TMTC2: variants seen among roughly 807,000 people sequenced by gnomAD.
TMTC2 encodes protein O-mannosyl-transferase TMTC2.
TMTC2 carries 43 observed loss-of-function variants against 82.4 expected under a neutral mutation model. The ratio of observed to expected loss-of-function variants is 0.52; its 90% CI spans 0.41 to 0.67. The LOEUF (loss-of-function observed/expected upper bound fraction) is 0.67, where lower values mean the gene tolerates loss of function less well. Among genes scored for constraint, TMTC2 ranks in the 30% least tolerant of loss-of-function variants. The pLI is 0.00. For missense variants in TMTC2, 919 were observed against 1,012.4 expected (o/e 0.91, Z 1.25); for synonymous variants, 408 against 381.9 (o/e 1.07, Z -0.80).
At chr12:82,899,819 T>C (rs567944256) in intron 3 of TMTC2, among the ~76,000 whole-genome samples, 3 of 133,404 alleles carry the variant, frequency 2.2e-5, no homozygotes, top group African/African-American at 6.2e-5. Flanking sequence ...ATCCGGAATA[T>C]AGATATAGGA....
chr12:82,919,453 A>C (rs1160103992), intron 3 of TMTC2, among the ~76,000 whole-genome samples: 1 of 152,154 alleles, frequency 6.6e-6, no homozygotes, highest in East Asian at 1.9e-4. Flanking sequence ...GCAAAAATAC[A>C]TTCATTTCAT....
intron 9 of TMTC2, 103 bp downstream of exon 9, chr12:83,030,982 C>T: frequency 1.2e-6 from 1 of 827,146 alleles, no homozygotes. Flanking sequence ...AGGAGATGGA[C>T]TTTGTTATTG....
intron 8 of TMTC2, among the ~76,000 whole-genome samples, chr12:83,027,367 T>C (rs1167225768): frequency 6.6e-6 from 1 of 152,214 alleles, no homozygotes; most frequent in East Asian, 1.9e-4. Context: ...ATGAATTTGG[T>C]TGACTTTTAA....
intron 7 of TMTC2, among the ~76,000 whole-genome samples, chr12:82,973,639 G>A (rs548612105): frequency 1.3e-5 from 2 of 152,080 alleles, no homozygotes; most frequent in Non-Finnish European, 2.9e-5. Context: ...GGTTACAGAC[G>A]CTAATTTGCT....
chr12:83,043,168 T>A (rs1314297281), intron 9 of TMTC2, among the ~76,000 whole-genome samples: 1 of 152,176 alleles, frequency 6.6e-6, no homozygotes, highest in Non-Finnish European at 1.5e-5. Flanking sequence ...TCAGCAAGGC[T>A]CCTTTCAGAG....
intron 2 of TMTC2, among the ~76,000 whole-genome samples, chr12:82,880,733 G>C (rs779877165): frequency 1.1e-4 from 17 of 152,180 alleles, no homozygotes; most frequent in Non-Finnish European, 2.4e-4. Flanking sequence ...AAAGCAGACA[G>C]AATTCCCATT....
At chr12:83,097,007 G>T (rs1336072048) in intron 11 of TMTC2, among the ~76,000 whole-genome samples, 2 of 152,108 alleles carry the variant, frequency 1.3e-5, no homozygotes, top group African/African-American at 4.8e-5. Context: ...GCTTAATGAG[G>T]GTAGGGTCCA....
chr12:82,973,764 C>T (rs1010367500), intron 7 of TMTC2, among the ~76,000 whole-genome samples: 27 of 152,142 alleles, frequency 1.8e-4, no homozygotes, highest in Middle Eastern at 3.4e-3. Flanking sequence ...ATAGCCCCTA[C>T]GGGGAGTCTG....
At chr12:82,909,044 C>T (rs974038245) in intron 3 of TMTC2, among the ~76,000 whole-genome samples, 3 of 152,166 alleles carry the variant, frequency 2.0e-5, no homozygotes, top group South Asian at 2.1e-4. Context: ...GGTGGACCTA[C>T]GCATAAGAAT....
chr12:83,085,383 T>C (rs912414263), intron 11 of TMTC2, among the ~76,000 whole-genome samples: 3 of 152,342 alleles, frequency 2.0e-5, no homozygotes, highest in African/African-American at 4.8e-5. Flanking sequence ...AGTTTTTTAA[T>C]TGCAGTCAGA....
chr12:82,996,797 A>G (rs1005038267), intron 8 of TMTC2, among the ~76,000 whole-genome samples: 2 of 152,188 alleles, frequency 1.3e-5, no homozygotes, highest in African/African-American at 4.8e-5. Flanking sequence ...GATATCATCT[A>G]TTTTATAGGT....
intron 1 of TMTC2, among the ~76,000 whole-genome samples, chr12:82,793,210 C>CT (rs1565752617): frequency 6.6e-6 from 1 of 152,014 alleles, no homozygotes; most frequent in African/African-American, 2.4e-5. Context: ...ACATTATTTC[C>CT]TTTTTTAGTA....
intron 11 of TMTC2, among the ~76,000 whole-genome samples, chr12:83,116,307 T>C (rs747713463): frequency 8.5e-5 from 13 of 152,212 alleles, no homozygotes; most frequent in Non-Finnish European, 1.6e-4. Context: ...TGTATATATA[T>C]ATACCACAGT....
Position 83,132,491 on chromosome 12 carries a change from A to G in TMTC2, c.*102A>G. 7.4e-7 allele frequency: 1 copy of G among 1,359,622 alleles called. No homozygotes were observed. The highest frequency in any genetic ancestry group is 1.0e-6 in the Non-Finnish European group (1 of 988,728). The allele number at this position is 1,359,622 out of a possible 1,614,324, so 84.2% of individuals were successfully genotyped here. A position where few individuals can be genotyped will look rare whatever the true frequency, so the allele number is the denominator to read the frequency against. ...ATGACAAGAGCTGGTGTTAGACTTC[A>G]AGACCAGGGCAGAGGTCATTGAGGT... On this transcript the variant is annotated 3_prime_UTR_variant, in exon 12 of 12. Coordinates refer to ENST00000321196, the MANE Select transcript of TMTC2 (RefSeq NM_152588.3).
intron 11 of TMTC2, among the ~76,000 whole-genome samples, chr12:83,068,097 G>T (rs544018475): frequency 2.8e-4 from 43 of 151,954 alleles, no homozygotes; most frequent in Non-Finnish European, 5.4e-4. Context: ...TCAAATAAAT[G>T]AGCTTATTGA....
At chr12:82,958,993 A>T (rs1877769824) in intron 4 of TMTC2, among the ~76,000 whole-genome samples, 1 of 152,176 alleles carries the variant, frequency 6.6e-6, no homozygotes, top group Admixed American at 6.6e-5. Context: ...TGATACAAAA[A>T]TTGATGTAAA....
At chr12:82,787,603 C>T (rs1878242462) in intron 1 of TMTC2, among the ~76,000 whole-genome samples, 1 of 152,052 alleles carries the variant, frequency 6.6e-6, no homozygotes, top group Non-Finnish European at 1.5e-5. Flanking sequence ...GGATTAAAAA[C>T]AGATATTAGG....
rs1197337365 is a variant in TMTC2 at position 82,687,610 on chromosome 12, C to A, written c.24C>A (p.Ser8Arg). 4.4e-6 allele frequency: 7 copies of A among 1,601,994 alleles called. No homozygotes were observed. Among genetic ancestry groups the A allele is most frequent in the African/African-American group, 1.3e-5 (1 of 74,888 alleles). MIAELVSSALGLALYLNT... is the reference protein window; with the variant it reads MIAELVSRALGLALYLNT... ...AGATGATTGCAGAGTTGGTGAGCAG[C>A]GCTCTGGGGCTCGCCTTGTATCTCA... Residue 8 changes from serine to arginine, a missense_variant, in exon 1 of 12, where the codon AGC becomes AGA. Coordinates refer to ENST00000321196, the MANE Select transcript of TMTC2 (RefSeq NM_152588.3).
At chr12:83,063,981 G>A (rs1882829903) in intron 11 of TMTC2, among the ~76,000 whole-genome samples, 1 of 150,722 alleles carries the variant, frequency 6.6e-6, no homozygotes, top group Non-Finnish European at 1.5e-5. Flanking sequence ...GGTTGAATTT[G>A]AAGTCTTATT....
Sources: allele counts gnomAD v4.1 joint callset (sites outside exome capture counted in the v4.1 genomes callset), GRCh38; gene constraint gnomAD v4.1.1; transcripts MANE v1.5; gene names NCBI Gene and HGNC (gene_info 2026-07-23, HGNC 2026-07-21).